The following DTNB variants were observed in gnomAD, a reference collection of about 807,000 sequenced individuals.
The protein encoded by DTNB is dystrobrevin beta, also known as DTN-B.
A neutral mutation model predicts 90.7 loss-of-function variants in DTNB; 63 were observed. That is an observed-to-expected ratio of 0.69 (90% confidence interval 0.57 to 0.86). The LOEUF is 0.86. Among genes scored for constraint, DTNB ranks in the 40% least tolerant of loss-of-function variants. The pLI, the probability that DTNB is intolerant of heterozygous loss-of-function variation, is 0.00. For missense variants in DTNB, 744 were observed against 807.1 expected, an observed-to-expected ratio of 0.92 and a Z score of 0.95; for synonymous variants, 277 against 286.7, an observed-to-expected ratio of 0.97 and a Z score of 0.34.
intron 9 of DTNB, among the ~76,000 whole-genome samples, chr2:25,487,140 ATTATCT>A (rs973483340): frequency 1.1e-4 from 17 of 152,198 alleles, no homozygotes; most frequent in African/African-American, 4.1e-4. Flanking sequence ...CTGATAAAAG[ATTATCT>A]TTATTTCAAT....
intron 8 of DTNB, among the ~76,000 whole-genome samples, chr2:25,567,450 C>T (rs2151256098): frequency 6.6e-6 from 1 of 152,320 alleles, no homozygotes; most frequent in East Asian, 1.9e-4. Flanking sequence ...GCCCAAACAA[C>T]TATGCTGCAC....
At chr2:25,673,081 C>A (rs1454394191) in intron 1 of DTNB, 1 of 152,192 alleles carries the variant, frequency 6.6e-6, no homozygotes, top group Non-Finnish European at 1.5e-5. Flanking sequence ...ATCAGCCCGG[C>A]GCCGGGCCCC....
chr2:25,402,811 A>G (rs2044085888), intron 16 of DTNB, among the ~76,000 whole-genome samples: 2 of 152,250 alleles, frequency 1.3e-5, no homozygotes, highest in African/African-American at 4.8e-5. Context: ...GCAGAAAGTT[A>G]GGGTTCTCAA....
intron 4 of DTNB, among the ~76,000 whole-genome samples, chr2:25,614,855 C>T (rs984343663): frequency 5.9e-5 from 9 of 152,206 alleles, no homozygotes; most frequent in Admixed American, 2.6e-4. Context: ...TCCCCACACA[C>T]CAAGCAAGCA....
At chr2:25,597,932 G>A (rs1220050028) in intron 5 of DTNB, among the ~76,000 whole-genome samples, 1 of 152,122 alleles carries the variant, frequency 6.6e-6, no homozygotes, top group Non-Finnish European at 1.5e-5. Context: ...TACATGATAA[G>A]CCCCACCATG....
chr2:25,444,192 A>G (rs1574542780), intron 12 of DTNB, among the ~76,000 whole-genome samples: 1 of 152,158 alleles, frequency 6.6e-6, no homozygotes, highest in Admixed American at 6.5e-5. Flanking sequence ...AGAATTTGCT[A>G]TTACGACTAC....
chr2:25,597,991 T>C (rs2064997018), intron 5 of DTNB, among the ~76,000 whole-genome samples: 2 of 152,244 alleles, frequency 1.3e-5, no homozygotes, highest in Non-Finnish European at 2.9e-5. Context: ...GTAGCCACAT[T>C]ATCCTCTTCT....
intron 6 of DTNB, among the ~76,000 whole-genome samples, chr2:25,586,134 T>C (rs748451517): frequency 6.6e-6 from 1 of 152,182 alleles, no homozygotes; most frequent in Non-Finnish European, 1.5e-5. Context: ...AGGATGCAAA[T>C]ACATTATGAA....
intron 8 of DTNB, among the ~76,000 whole-genome samples, chr2:25,573,032 C>T (rs908906283): frequency 7.9e-5 from 12 of 152,010 alleles, no homozygotes; most frequent in Admixed American, 2.0e-4. Flanking sequence ...CCTCAACCTC[C>T]GCCTCCCAGG....
chr2:25,383,977 G>A, intron 18 of DTNB, 88 bp from the exon 19 acceptor site: 1 of 1,603,782 alleles, frequency 6.2e-7, no homozygotes, highest in East Asian at 2.2e-5. Context: ...CTGAGGCTTG[G>A]GAGGAAACTC....
rs2036114927 is a variant in DTNB, at chr2:25,377,463, G to A, written c.*120C>T. The A allele has an allele frequency of 6.5e-6, 1 of 152,826 alleles. No individual in the cohort carries two copies. The highest frequency in any genetic ancestry group is 2.4e-5 in the African/African-American group (1 of 41,470). The allele number at this position is 152,826 out of a possible 1,614,324, so 9.5% of individuals were successfully genotyped here. A position where few individuals can be genotyped will look rare whatever the true frequency, so the allele number is the denominator to read the frequency against. ...CTGGCAGCCTGCAAGCCTGGTCCAGGTGTGCGGTGGAAAGATGGAGAGGAA... is the reference window on the plus strand; with the variant it reads ...CTGGCAGCCTGCAAGCCTGGTCCAGATGTGCGGTGGAAAGATGGAGAGGAA... On this transcript the variant is annotated 3_prime_UTR_variant, in exon 21 of 21. Coordinates refer to ENST00000406818, the MANE Select transcript of DTNB (RefSeq NM_021907.5).
chr2:25,661,644 C>A (rs2083199914), intron 1 of DTNB, among the ~76,000 whole-genome samples: 1 of 152,162 alleles, frequency 6.6e-6, no homozygotes, highest in Non-Finnish European at 1.5e-5. Flanking sequence ...GAAGCGTTTG[C>A]TCTACAATAA....
intron 8 of DTNB, among the ~76,000 whole-genome samples, chr2:25,533,199 G>A (rs2078599444): frequency 6.6e-6 from 1 of 152,062 alleles, no homozygotes; most frequent in African/African-American, 2.4e-5. Context: ...GGTGGCATGT[G>A]CCTATAATCC....
chr2:25,536,829 G>A (rs1015925715), intron 8 of DTNB, among the ~76,000 whole-genome samples: 2 of 152,108 alleles, frequency 1.3e-5, no homozygotes, highest in African/African-American at 2.4e-5. Flanking sequence ...TGCAACCAGC[G>A]CCTCCCGGGT....
chr2:25,548,667 G>T lies in DTNB; in HGVS notation c.877-17070C>A, dbSNP rs562167089. On this transcript the variant is annotated intron_variant, in intron 8 of 20. Transcript: ENST00000406818. The stretch of plus-strand genomic sequence containing the variant: ...GAGTAGGGCAGAAGATGAGCTGAGA[G>T]GTAAGGGGGTCAGGTGGGCTAGTGC... Among the ~76,000 whole-genome samples, 99 of 152,248 alleles carry T rather than the reference G, an allele frequency of 6.5e-4. 1 individual carries two copies. The highest frequency in any genetic ancestry group is 1.9e-3 in the South Asian group (9 of 4,826).
chr2:25,414,277 C>T (rs1001181246), intron 16 of DTNB, among the ~76,000 whole-genome samples: 5 of 152,088 alleles, frequency 3.3e-5, no homozygotes, highest in East Asian at 3.9e-4. Flanking sequence ...TTTTTGGAGA[C>T]AGAGTCTCGC....
At chr2:25,670,267 A>G (rs1465352319) in intron 1 of DTNB, among the ~76,000 whole-genome samples, 5 of 152,170 alleles carry the variant, frequency 3.3e-5, no homozygotes, top group Non-Finnish European at 7.3e-5. Context: ...ATTCTGTATT[A>G]CCTATATATA....
intron 5 of DTNB, among the ~76,000 whole-genome samples, chr2:25,601,248 A>C (rs556769270): frequency 6.6e-6 from 1 of 152,250 alleles, no homozygotes; most frequent in Non-Finnish European, 1.5e-5. Flanking sequence ...TAAAGCCCTA[A>C]ACCCTCCTGG....
chr2:25,604,367 TTTC>T (rs1226753177), intron 5 of DTNB, among the ~76,000 whole-genome samples: 2 of 150,904 alleles, frequency 1.3e-5, no homozygotes, highest in African/African-American at 2.5e-5. Context: ...TTCTCGTTTC[TTTC>T]TTTTCTTTTT....
Sources: allele counts gnomAD v4.1 joint callset (sites outside exome capture counted in the v4.1 genomes callset), GRCh38; gene constraint gnomAD v4.1.1; transcripts MANE v1.5; gene names NCBI Gene and HGNC (gene_info 2026-07-23, HGNC 2026-07-21).